The following PWWP3A variants were observed in gnomAD, a reference collection of about 807,000 sequenced individuals.
PWWP3A encodes PWWP domain-containing DNA repair factor 3A.
Under a neutral mutation model 79.0 loss-of-function variants are expected in PWWP3A, and 53 were observed. The observed-to-expected ratio is 0.67, with a 90% CI of 0.54 to 0.84. The LOEUF (loss-of-function observed/expected upper bound fraction) is 0.84. Ranked by LOEUF, PWWP3A falls within the 40% of genes least tolerant of loss-of-function variation. The probability of loss-of-function intolerance (pLI) is 0.00; values close to 1 mark genes in which losing one functional copy is unlikely to be tolerated. For missense variants in PWWP3A, 973 were observed against 948.0 expected (o/e 1.03, Z -0.35); for synonymous variants, 443 against 394.4 (o/e 1.12, Z -1.46).
At chr19:1,374,908 A>C (rs1454621996) in intron 13 of PWWP3A, among the ~76,000 whole-genome samples, 2 of 152,144 alleles carry the variant, frequency 1.3e-5, no homozygotes, top group East Asian at 1.9e-4. Context: ...CCCTGTCTCT[A>C]AAAATAAATA....
chr19:1,370,790 C>T lies in PWWP3A; in HGVS notation c.1698C>T (p.Ala566=), dbSNP rs1318075654. 17 of 1,548,572 alleles carry T rather than the reference C, an allele frequency of 1.1e-5. No homozygotes were observed. Among genetic ancestry groups the T allele is most frequent in the East Asian group, 4.8e-5 (2 of 41,956 alleles). Residue 566 remains alanine, a synonymous_variant, in exon 12 of 14, where the codon GCC becomes GCT. Transcript: ENST00000591337. ...CRKMLPDRSR[A]ARDRANQKLV... ...AAATGCTCCCCGACCGCTCGCGGGC[C>T]GCCCGGGACCGGGCCAACCAGAAGC...
In PWWP3A at chr19:1,377,549, C is replaced by G. The variant is rs1410962006; in HGVS notation, c.*973C>G. On this transcript the variant is annotated 3_prime_UTR_variant, in exon 14 of 14. Coordinates refer to ENST00000591337, the MANE Select transcript of PWWP3A (RefSeq NM_001369789.1). ...CCGGGGTGTGGCTGCCGGGTCGGCTCTGGTCCACAGCACGGTGCCGGGGCT... is the reference window on the plus strand; with the variant it reads ...CCGGGGTGTGGCTGCCGGGTCGGCTGTGGTCCACAGCACGGTGCCGGGGCT... The G allele has an allele frequency of 6.6e-6, 1 of 152,462 alleles. No individual in the cohort carries two copies. Among genetic ancestry groups the G allele is most frequent in the Non-Finnish European group, 1.5e-5 (1 of 68,220 alleles). 9.4% of individuals were successfully genotyped at this position (152,462 alleles called of 1,614,324 possible). A position where few individuals can be genotyped will look rare whatever the true frequency, so the allele number is the denominator to read the frequency against.
At chr19:1,355,509 C>G (rs1157677472) in intron 1 of PWWP3A, among the ~76,000 whole-genome samples, 1 of 120,124 alleles carries the variant, frequency 8.3e-6, no homozygotes. Flanking sequence ...AATCCCCCAT[C>G]CCTGCCACCT....
At position 1,369,360 on chromosome 19, in the gene PWWP3A, G is replaced by A. The variant is rs752048016; in HGVS notation, c.1498+20G>A. The A allele has an allele frequency of 6.2e-7, 1 of 1,611,838 alleles. No individual in the cohort carries two copies. Among genetic ancestry groups the A allele is most frequent in the Admixed American group, 1.7e-5 (1 of 60,010 alleles). On this transcript the variant is annotated intron_variant, in intron 10 of 13. Transcript: ENST00000591337. The surrounding 1 kb of genome is among the most constrained non-coding windows in gnomAD (Gnocchi z 4.0). The stretch of plus-strand genomic sequence containing the variant: ...GGTTAGGTACGTGGGGTGCTGGGGA[G>A]GGGTGGAGCTGGGCAGCAGGCGTCC...
chr19:1,376,197 C>A (rs1248157917), intron 13 of PWWP3A, among the ~76,000 whole-genome samples: 39 of 147,622 alleles, frequency 2.6e-4, no homozygotes, highest in African/African-American at 8.5e-4. Flanking sequence ...ATGATCTTGG[C>A]TCACTGCAAG....
intron 1 of PWWP3A, among the ~76,000 whole-genome samples, chr19:1,355,539 C>T (rs1227701779): frequency 1.4e-5 from 2 of 140,750 alleles, no homozygotes; most frequent in Non-Finnish European, 3.1e-5. Context: ...GCTCCACCTC[C>T]TCCGTGAGCC....
chr19:1,376,534 T>C lies in PWWP3A; in HGVS notation c.2091T>C (p.Phe697=), dbSNP rs1286828020. The change falls in exon 14 of 14, where the codon TTT becomes TTC. Residue 697 remains phenylalanine, a synonymous_variant. Transcript: ENST00000591337. ...PSLSYREKEI[F]DNQLLEERNR... is the part of the protein sequence containing the mutation. Reference sequence around the variant, plus strand: ...TTTTCTGAAGGGAAAAAGAAATATTTGACAACCAGCTCCTTGAAGAGCGGA... The same window carrying C: ...TTTTCTGAAGGGAAAAAGAAATATTCGACAACCAGCTCCTTGAAGAGCGGA... 6.2e-7 allele frequency: 1 copy of C among 1,613,330 alleles called. No homozygotes were observed. Among genetic ancestry groups the C allele is most frequent in the Non-Finnish European group, 8.5e-7 (1 of 1,179,820 alleles).
intron 7 of PWWP3A, 136 bp downstream of exon 7, chr19:1,364,715 T>A (rs2082092230): frequency 2.5e-6 from 2 of 807,474 alleles, no homozygotes; most frequent in Admixed American, 6.8e-5. Context: ...GAAAAGTTGG[T>A]GGGTTTTTAG....
chr19:1,363,173 C>A lies in PWWP3A; in HGVS notation c.1213+822C>A, dbSNP rs1286665495. Among the ~76,000 whole-genome samples, 3 of 152,380 alleles carry A rather than the reference C, an allele frequency of 2.0e-5. No individual in the cohort carries two copies. The East Asian group carries it at 5.8e-4, about 29-fold the overall frequency. On this transcript the variant is annotated intron_variant, in intron 6 of 13. Coordinates refer to ENST00000591337, the MANE Select transcript of PWWP3A (RefSeq NM_001369789.1). ...CGTGTGCAGCCTCGGGAGCGCCATT[C>A]CACGCACACTTGCGTGCCGGTGGCC...
Position 1,376,609 on chromosome 19 carries a change from G to A in PWWP3A, c.*33G>A. ...GCCGGCTGTGCTGTCAGCGGGGCCT[G>A]GCGGTGGAAGCGCCTCCAGTGTGCA... On this transcript the variant is annotated 3_prime_UTR_variant, in exon 14 of 14. Coordinates refer to ENST00000591337, the MANE Select transcript of PWWP3A (RefSeq NM_001369789.1). 2 of 1,611,736 alleles carry A rather than the reference G, an allele frequency of 1.2e-6. No homozygotes were observed. The highest frequency in any genetic ancestry group is 8.5e-7 in the Non-Finnish European group (1 of 1,178,866).
chr19:1,362,032 C>A, intron 5 of PWWP3A: 1 of 391,262 alleles, frequency 2.6e-6, no homozygotes, highest in East Asian at 4.4e-5. Flanking sequence ...GGCCTCTCTC[C>A]CTCCCTCCTT....
intron 13 of PWWP3A, among the ~76,000 whole-genome samples, chr19:1,375,565 A>T (rs373774012): frequency 2.0e-3 from 3 of 1,532 alleles, no homozygotes; most frequent in African/African-American, 7.8e-3. Flanking sequence ...ATTATATATA[A>T]AATATATTAT....
chr19:1,365,781 TC>T (rs2082115134), intron 7 of PWWP3A, among the ~76,000 whole-genome samples: 1 of 152,242 alleles, frequency 6.6e-6, no homozygotes, highest in South Asian at 2.1e-4. Context: ...GCAGGCAGCC[TC>T]CCTGAGAGCG....
intron 6 of PWWP3A, chr19:1,364,248 G>A (rs976279550): frequency 1.9e-5 from 12 of 628,548 alleles, no homozygotes; most frequent in East Asian, 1.0e-4. Context: ...CCAAGGGTGC[G>A]TTTGTCGCAG....
chr19:1,355,731 G>T (rs2081843307), intron 1 of PWWP3A, among the ~76,000 whole-genome samples: 1 of 151,496 alleles, frequency 6.6e-6, no homozygotes, highest in Admixed American at 6.6e-5. Flanking sequence ...CCCTACCTCT[G>T]CTGGGAACCT....
rs528294545 is a variant in PWWP3A, at chr19:1,368,867, C to T, written c.1423-398C>T. 3.0e-4 allele frequency among the ~76,000 whole-genome samples: 43 copies of T among 143,720 alleles called. No homozygotes were observed. The highest frequency in any genetic ancestry group is 4.8e-4 in the Non-Finnish European group (32 of 66,338). 94.3% of individuals were successfully genotyped at this position (143,720 alleles called of 152,430 possible). A position where few individuals can be genotyped will look rare whatever the true frequency, so the allele number is the denominator to read the frequency against. ...CCTTCGGGTCCCCGGTGCCCACCTG[C>T]GTTCAGACCAGCCCAAGCCATCGGG... On this transcript the variant is annotated intron_variant, in intron 9 of 13. Transcript: ENST00000591337. This position sits in a 1 kb window ranked among gnomAD's most constrained non-coding sequence, Gnocchi z 4.7.
intron 4 of PWWP3A, chr19:1,359,852 G>A (rs2081969655): frequency 3.4e-6 from 1 of 293,016 alleles, no homozygotes; most frequent in African/African-American, 2.2e-5. Context: ...TCACGGTATT[G>A]TTTTGTAACT....
chr19:1,358,970 CAT>C, intron 4 of PWWP3A: 1 of 326,404 alleles, frequency 3.1e-6, no homozygotes, highest in Non-Finnish European at 6.2e-6. Flanking sequence ...GAGGCACTGT[CAT>C]GGGGGGCACG....
At chr19:1,376,045 G>A (rs1048852543) in intron 13 of PWWP3A, among the ~76,000 whole-genome samples, 2 of 150,332 alleles carry the variant, frequency 1.3e-5, no homozygotes, top group East Asian at 1.9e-4. Flanking sequence ...TCCTGATCTC[G>A]TGATCCACCC....
Sources: allele counts gnomAD v4.1 joint callset (sites outside exome capture counted in the v4.1 genomes callset), GRCh38; gene constraint gnomAD v4.1.1; non-coding constraint Gnocchi (gnomAD v3.1); transcripts MANE v1.5; gene names NCBI Gene and HGNC (gene_info 2026-07-23, HGNC 2026-07-21).